Variants in NECAB1 observed in about 807,000 individuals in gnomAD.
NECAB1 encodes the protein N-terminal EF-hand calcium binding protein 1.
In NECAB1, 29 loss-of-function variants were observed where a neutral mutation model predicts 57.5. The ratio of observed to expected loss-of-function variants is 0.50; its 90% CI spans 0.38 to 0.69. The LOEUF is 0.69. Ranked by LOEUF, NECAB1 falls within the 30% of genes least tolerant of loss-of-function variation. The pLI is 0.00. For missense variants in NECAB1, 372 were observed against 413.8 expected, an observed-to-expected ratio of 0.90 and a Z score of 0.88; for synonymous variants, 142 against 147.7, an observed-to-expected ratio of 0.96 and a Z score of 0.28.
At chr8:90,887,034 G>GA (rs1809014154) in intron 5 of NECAB1, among the ~76,000 whole-genome samples, 1 of 152,012 alleles carries the variant, frequency 6.6e-6, no homozygotes, top group African/African-American at 2.4e-5. Context: ...TGGTATATTG[G>GA]AAAATGATTA....
chr8:90,929,915 A>T (rs1810366231), intron 8 of NECAB1, among the ~76,000 whole-genome samples: 1 of 152,168 alleles, frequency 6.6e-6, no homozygotes, highest in Admixed American at 6.5e-5. Context: ...AGTAACAAAT[A>T]AGGTTGTATG....
intron 3 of NECAB1, among the ~76,000 whole-genome samples, chr8:90,854,738 T>G (rs1812761508): frequency 6.6e-6 from 1 of 152,212 alleles, no homozygotes; most frequent in Non-Finnish European, 1.5e-5. Flanking sequence ...ACAATAGCAG[T>G]CACTGTTTCA....
intron 3 of NECAB1, among the ~76,000 whole-genome samples, chr8:90,836,274 G>A (rs1289552426): frequency 6.6e-6 from 1 of 152,028 alleles, no homozygotes; most frequent in Non-Finnish European, 1.5e-5. Flanking sequence ...CTGCTACACC[G>A]AATATTATAT....
intron 2 of NECAB1, chr8:90,812,791 C>A (rs2129676133): frequency 6.6e-6 from 1 of 152,086 alleles, no homozygotes; most frequent in Non-Finnish European, 1.5e-5. Context: ...GTTTCCTTAC[C>A]CTCCTGAAAA....
At chr8:90,800,466 G>A (rs1714994344) in intron 1 of NECAB1, among the ~76,000 whole-genome samples, 1 of 152,104 alleles carries the variant, frequency 6.6e-6, no homozygotes. Flanking sequence ...GTTTGGCATA[G>A]ATGGCTCTTA....
intron 5 of NECAB1, among the ~76,000 whole-genome samples, chr8:90,915,272 AAC>A (rs748363968): frequency 2.6e-5 from 4 of 152,302 alleles, no homozygotes; most frequent in Admixed American, 6.5e-5. Context: ...AAAAGACTCA[AAC>A]ACACCTTTTT....
chr8:90,954,966 ATATAT>A (rs1161577579), intron 12 of NECAB1, among the ~76,000 whole-genome samples: 2 of 144,670 alleles, frequency 1.4e-5, no homozygotes, highest in Non-Finnish European at 3.0e-5. Flanking sequence ...TATTATATGT[ATATAT>A]TATGTGTGTA....
intron 2 of NECAB1, among the ~76,000 whole-genome samples, chr8:90,803,317 C>T (rs146882501): frequency 2.6e-5 from 4 of 152,298 alleles, no homozygotes; most frequent in African/African-American, 9.6e-5. Flanking sequence ...GAATAGCCCA[C>T]CTGTCTCTAT....
chr8:90,941,450 C>T (rs1239401508), intron 10 of NECAB1, among the ~76,000 whole-genome samples: 3 of 152,196 alleles, frequency 2.0e-5, no homozygotes, highest in Non-Finnish European at 4.4e-5. Flanking sequence ...GCTCAGGCTT[C>T]GGATATCTCA....
At chr8:90,953,473 C>T (rs1341995816) in intron 12 of NECAB1, among the ~76,000 whole-genome samples, 2 of 152,138 alleles carry the variant, frequency 1.3e-5, no homozygotes, top group Non-Finnish European at 2.9e-5. Flanking sequence ...TTAATTGCTG[C>T]CCTATTTTGT....
rs557321420 is a variant in NECAB1, at chr8:90,939,717, T to A, written c.748-1069T>A. ...TACTTAGTTATTAATACTAAACCCATGTGCTTTGGTTAGTCCAACAAAAGT... is the reference window on the plus strand; with the variant it reads ...TACTTAGTTATTAATACTAAACCCAAGTGCTTTGGTTAGTCCAACAAAAGT... On this transcript the variant is annotated intron_variant, in intron 9 of 12. Transcript: ENST00000417640. 2.6e-5 allele frequency among the ~76,000 whole-genome samples: 4 copies of A among 152,350 alleles called. No individual in the cohort carries two copies. The East Asian group carries it at 7.7e-4, about 29-fold the overall frequency.
At chr8:90,816,107 A>C (rs964033043) in intron 2 of NECAB1, among the ~76,000 whole-genome samples, 2 of 151,872 alleles carry the variant, frequency 1.3e-5, no homozygotes, top group African/African-American at 4.8e-5. Context: ...CAATTCCCTA[A>C]TGACCATATG....
chr8:90,894,725 C>A (rs1036207012), intron 5 of NECAB1, among the ~76,000 whole-genome samples: 1 of 152,132 alleles, frequency 6.6e-6, no homozygotes, highest in Non-Finnish European at 1.5e-5. Context: ...ATGATGGATT[C>A]TTTCTTACAA....
At chr8:90,886,322 T>C (rs1458202044) in intron 5 of NECAB1, among the ~76,000 whole-genome samples, 1 of 152,092 alleles carries the variant, frequency 6.6e-6, no homozygotes, top group Non-Finnish European at 1.5e-5. Context: ...ACTATACTAT[T>C]TCTTGATTGA....
At chr8:90,896,305 T>G (rs1252010981) in intron 5 of NECAB1, among the ~76,000 whole-genome samples, 3 of 152,152 alleles carry the variant, frequency 2.0e-5, no homozygotes, top group Non-Finnish European at 4.4e-5. Flanking sequence ...AAATTTCTTT[T>G]CAAAGAATTA....
intron 12 of NECAB1, among the ~76,000 whole-genome samples, chr8:90,951,818 ATG>A (rs1232983342): frequency 2.6e-5 from 4 of 152,128 alleles, no homozygotes; most frequent in Non-Finnish European, 5.9e-5. Context: ...TAGAGATAAT[ATG>A]TGTTTTGTGG....
intron 2 of NECAB1, among the ~76,000 whole-genome samples, chr8:90,802,817 G>A (rs974207406): frequency 5.9e-5 from 9 of 152,130 alleles, no homozygotes; most frequent in Admixed American, 3.9e-4. Context: ...TTGATATATT[G>A]TCAGTTCAAA....
At position 90,826,656 on chromosome 8, in the gene NECAB1, A is replaced by G. The variant is rs914571915; in HGVS notation, c.233+1831A>G. ...GGGTTTGGAATATTTATTGAAAGCCATAATAGTTCCAGAATTGGGTGTTAT... is the reference window on the plus strand; with the variant it reads ...GGGTTTGGAATATTTATTGAAAGCCGTAATAGTTCCAGAATTGGGTGTTAT... On this transcript the variant is annotated intron_variant, in intron 3 of 12. Transcript: ENST00000417640. Among the ~76,000 whole-genome samples, 5 of 152,054 alleles carry G rather than the reference A, an allele frequency of 3.3e-5. No individual in the cohort carries two copies. In the South Asian group the frequency reaches 6.2e-4, roughly 19 times the overall value.
At chr8:90,951,279 C>T in intron 12 of NECAB1, 75 bp downstream of exon 12, 1 of 777,558 alleles carries the variant, frequency 1.3e-6, no homozygotes. Context: ...AGATAGTATG[C>T]TCTTTCCTTC....
Sources: allele counts gnomAD v4.1 joint callset (sites outside exome capture counted in the v4.1 genomes callset), GRCh38; gene constraint gnomAD v4.1.1; transcripts MANE v1.5; gene names NCBI Gene and HGNC (gene_info 2026-07-23, HGNC 2026-07-21).